The following DPP6 variants were observed in gnomAD, a reference collection of about 807,000 sequenced individuals.
The protein encoded by DPP6 is A-type potassium channel modulatory protein DPP6.
A neutral mutation model predicts 122.6 loss-of-function variants in DPP6; 69 were observed. The ratio of observed to expected loss-of-function variants is 0.56; its 90% CI spans 0.46 to 0.69. DPP6 has a LOEUF of 0.69. Among genes scored for constraint, DPP6 ranks in the 30% least tolerant of loss-of-function variants. The pLI is 0.00. For missense variants in DPP6, 928 were observed against 1,116.9 expected, an observed-to-expected ratio of 0.83 and a Z score of 2.41; for synonymous variants, 418 against 433.1, an observed-to-expected ratio of 0.97 and a Z score of 0.43.
intron 1 of DPP6, among the ~76,000 whole-genome samples, chr7:154,304,387 G>C (rs913752185): frequency 6.6e-6 from 1 of 152,186 alleles, no homozygotes; most frequent in Non-Finnish European, 1.5e-5. Flanking sequence ...TGACTGCTCC[G>C]GTGCAGGGAG....
chr7:154,846,963 C>T (rs145790311), intron 16 of DPP6, among the ~76,000 whole-genome samples: 21 of 152,130 alleles, frequency 1.4e-4, no homozygotes, highest in Admixed American at 6.5e-4. Context: ...TGAGTAACTG[C>T]GTTTTATTCA....
At chr7:154,708,585 T>C (rs971875381) in intron 7 of DPP6, among the ~76,000 whole-genome samples, 1 of 152,196 alleles carries the variant, frequency 6.6e-6, no homozygotes, top group Non-Finnish European at 1.5e-5. Context: ...CTTGTCGGAA[T>C]TTATCCCAGG....
At chr7:153,948,549 T>C (rs1241472965) in intron 1 of DPP6, among the ~76,000 whole-genome samples, 1 of 151,894 alleles carries the variant, frequency 6.6e-6, no homozygotes, top group East Asian at 1.9e-4. Context: ...CACTTAGAAA[T>C]AGGAATGTTA....
chr7:154,702,417 ATAGT>A (rs906028137), intron 7 of DPP6, among the ~76,000 whole-genome samples: 18 of 152,290 alleles, frequency 1.2e-4, no homozygotes, highest in East Asian at 3.8e-4. Context: ...CTTGTGCCAA[ATAGT>A]TAGCCAAATT....
At chr7:154,409,371 A>T (rs286843) in intron 1 of DPP6, among the ~76,000 whole-genome samples, 67 of 152,190 alleles carry the variant, frequency 4.4e-4, no homozygotes, top group African/African-American at 1.5e-3. Flanking sequence ...GCAGATGAAA[A>T]GAGTCCTGCT....
At chr7:154,428,349 A>T (rs1207668722) in intron 1 of DPP6, among the ~76,000 whole-genome samples, 1 of 152,220 alleles carries the variant, frequency 6.6e-6, no homozygotes, top group African/African-American at 2.4e-5. Context: ...CAGATATTCC[A>T]CTAATATAGA....
chr7:153,889,442 G>A (rs1005783982), intron 1 of DPP6, among the ~76,000 whole-genome samples: 18 of 152,194 alleles, frequency 1.2e-4, no homozygotes, highest in Admixed American at 1.0e-3. Context: ...GGCTGAGGCT[G>A]AAGTTAAGGA....
intron 23 of DPP6, among the ~76,000 whole-genome samples, chr7:154,888,653 C>T (rs1806358679): frequency 6.6e-6 from 1 of 152,190 alleles, no homozygotes; most frequent in South Asian, 2.1e-4. Flanking sequence ...GGAAACTCTT[C>T]CTTTTTCCCT....
intron 1 of DPP6, among the ~76,000 whole-genome samples, chr7:154,128,368 C>T (rs1389344774): frequency 6.6e-6 from 1 of 152,180 alleles, no homozygotes; most frequent in Non-Finnish European, 1.5e-5. Context: ...TCACTTGAGC[C>T]CAGGAATTCG....
intron 1 of DPP6, among the ~76,000 whole-genome samples, chr7:154,401,361 CACCCAGAA>C (rs1815581274): frequency 1.3e-5 from 2 of 152,112 alleles, no homozygotes; most frequent in Non-Finnish European, 2.9e-5. Context: ...TGGAAAATAG[CACCCAGAA>C]TCCCGTGGCT....
intron 2 of DPP6, among the ~76,000 whole-genome samples, chr7:154,460,370 T>C (rs6966478): frequency 0.2 from 30,185 of 152,174 alleles, 3,554 homozygotes; most frequent in East Asian, 0.42. Flanking sequence ...CTTTACATTT[T>C]CTCCCACTTC....
chr7:154,356,760 A>G (rs1359891521), intron 1 of DPP6, among the ~76,000 whole-genome samples: 1 of 152,222 alleles, frequency 6.6e-6, no homozygotes, highest in Non-Finnish European at 1.5e-5. Context: ...TTTCTGTACT[A>G]TGTCACATCT....
chr7:154,853,294 T>C (rs1802549700), intron 16 of DPP6, among the ~76,000 whole-genome samples: 1 of 152,164 alleles, frequency 6.6e-6, no homozygotes, highest in Non-Finnish European at 1.5e-5. Context: ...AAATATAGTT[T>C]GACATTTTCA....
intron 1 of DPP6, among the ~76,000 whole-genome samples, chr7:154,236,998 C>T (rs1412232011): frequency 6.6e-6 from 1 of 152,192 alleles, no homozygotes; most frequent in Non-Finnish European, 1.5e-5. Flanking sequence ...CATCCACTTT[C>T]CTCTCTGTCA....
intron 8 of DPP6, among the ~76,000 whole-genome samples, chr7:154,744,412 A>G (rs998981442): frequency 6.6e-5 from 10 of 152,146 alleles, no homozygotes; most frequent in African/African-American, 2.4e-4. Flanking sequence ...GGACACTGCC[A>G]CCTGGCGGCC....
the DPP6 span, among the ~76,000 whole-genome samples, chr7:153,829,784 G>A: frequency 6.6e-6 from 1 of 152,200 alleles, no homozygotes; most frequent in Non-Finnish European, 1.5e-5. Context: ...GTGTCCAACA[G>A]GGAGCCGGAA....
At chr7:154,225,922 GT>G (rs1313861814) in intron 1 of DPP6, among the ~76,000 whole-genome samples, 1 of 151,826 alleles carries the variant, frequency 6.6e-6, no homozygotes, top group Non-Finnish European at 1.5e-5. Context: ...CAACCTCACA[GT>G]TTTGGTCCCA....
intron 1 of DPP6, among the ~76,000 whole-genome samples, chr7:154,204,917 G>A (rs1441978374): frequency 2.0e-5 from 3 of 152,082 alleles, no homozygotes; most frequent in Non-Finnish European, 2.9e-5. Context: ...AGCTGAATAT[G>A]CATGAGTCAC....
intron 7 of DPP6, among the ~76,000 whole-genome samples, chr7:154,706,291 C>T (rs1840825719): frequency 6.6e-6 from 1 of 152,208 alleles, no homozygotes; most frequent in Non-Finnish European, 1.5e-5. Flanking sequence ...ACGTGGCTCC[C>T]TCTCCTGCGA....
Sources: allele counts gnomAD v4.1 joint callset (sites outside exome capture counted in the v4.1 genomes callset), GRCh38; gene constraint gnomAD v4.1.1; transcripts MANE v1.5; gene names NCBI Gene and HGNC (gene_info 2026-07-23, HGNC 2026-07-21).